Variants in SETBP1 observed in about 807,000 individuals in gnomAD.
SETBP1 encodes SET binding protein 1.
In SETBP1, 9 loss-of-function variants were observed where a neutral mutation model predicts 101.0. The ratio of observed to expected loss-of-function variants is 0.09; its 90% CI spans 0.05 to 0.16. The LOEUF is 0.16. Among genes scored for constraint, SETBP1 ranks in the 10% least tolerant of loss-of-function variants. The pLI is 1.00. For synonymous variants in SETBP1, 818 were observed against 788.5 expected (o/e 1.04, Z -0.63); for missense variants, 1,858 against 2,033.8 (o/e 0.91, Z 1.66).
chr18:44,888,856 T>A (rs2069707227), intron 3 of SETBP1, among the ~76,000 whole-genome samples: 1 of 152,108 alleles, frequency 6.6e-6, no homozygotes, highest in Non-Finnish European at 1.5e-5. Context: ...TTTAATACCT[T>A]CTTGAGGCCT....
intron 4 of SETBP1, among the ~76,000 whole-genome samples, chr18:45,035,657 A>T (rs1281932262): frequency 6.6e-6 from 1 of 152,246 alleles, no homozygotes; most frequent in Non-Finnish European, 1.5e-5. Context: ...CCCCAAGCAT[A>T]GCATAATTTA....
Position 45,067,056 on chromosome 18 carries a change from G to A in SETBP1, c.*3358G>A, listed in dbSNP as rs1260444675. The A allele has an allele frequency of 6.6e-6, 1 of 152,200 alleles. No homozygotes were observed. Among genetic ancestry groups the A allele is most frequent in the Non-Finnish European group, 1.5e-5 (1 of 68,052 alleles). The allele number at this position is 152,200 out of a possible 1,614,324, so 9.4% of individuals were successfully genotyped here. A position where few individuals can be genotyped will look rare whatever the true frequency, so the allele number is the denominator to read the frequency against. ...AGGAAGGGAAAGCATGTCAGGGGCT[G>A]GTTTGTGACTTGGCAGGACCAGGAA... On this transcript the variant is annotated 3_prime_UTR_variant, in exon 6 of 6. Coordinates refer to ENST00000649279, the MANE Select transcript of SETBP1 (RefSeq NM_015559.3).
chr18:44,779,014 G>T (rs565857449), intron 2 of SETBP1, among the ~76,000 whole-genome samples: 73 of 152,368 alleles, frequency 4.8e-4, no homozygotes, highest in Non-Finnish European at 9.1e-4. Context: ...CTGAGCAATG[G>T]TTGGAGCAGC....
upstream of SETBP1, among the ~76,000 whole-genome samples, chr18:44,680,592 C>G (rs1017090959): frequency 2.6e-5 from 4 of 152,050 alleles, no homozygotes; most frequent in Non-Finnish European, 4.4e-5. Flanking sequence ...CCGGTCCGGG[C>G]GAGGTTGCAG....
rs143716526 is a variant in SETBP1 at position 44,951,700 on chromosome 18, A to G, written c.2360A>G (p.Asn787Ser). 6.8e-6 allele frequency: 11 copies of G among 1,614,046 alleles called. 1 individual carries two copies. The highest frequency in any genetic ancestry group is 2.7e-5 in the African/African-American group (2 of 74,916). The change falls in exon 4 of 6, where the codon AAT becomes AGT. Residue 787 changes from asparagine to serine, a missense_variant. Transcript: ENST00000649279. The surrounding 1 kb of genome is among the most constrained non-coding windows in gnomAD (Gnocchi z 7.8). ...CTTTCAACACAGTTAGGTGGGTCCAATGGCAACCTGAGCCCTGCCAGCACT... is the reference window on the plus strand; with the variant it reads ...CTTTCAACACAGTTAGGTGGGTCCAGTGGCAACCTGAGCCCTGCCAGCACT... Reference protein sequence around the residue: ...HPLSTQLGGSNGNLSPASTET... With the variant: ...HPLSTQLGGSSGNLSPASTET...
intron 2 of SETBP1, among the ~76,000 whole-genome samples, chr18:44,852,605 G>C (rs2072895233): frequency 6.6e-6 from 1 of 152,094 alleles, no homozygotes; most frequent in Admixed American, 6.5e-5. Flanking sequence ...CACATTCATG[G>C]CCTCCATCCC....
intron 3 of SETBP1, among the ~76,000 whole-genome samples, chr18:44,900,346 C>G (rs1277164651): frequency 6.6e-6 from 1 of 152,154 alleles, no homozygotes; most frequent in African/African-American, 2.4e-5. Flanking sequence ...GAATGTCAAA[C>G]TAAATTGGAG....
intron 1 of SETBP1, among the ~76,000 whole-genome samples, chr18:44,696,327 G>A (rs2069017541): frequency 6.6e-6 from 1 of 152,074 alleles, no homozygotes. Flanking sequence ...TATAGACCAG[G>A]CACAGTCTAA....
At chr18:45,010,520 A>G (rs148985482) in intron 4 of SETBP1, among the ~76,000 whole-genome samples, 17 of 152,344 alleles carry the variant, frequency 1.1e-4, no homozygotes, top group African/African-American at 3.6e-4. Context: ...ATGTGTTTAC[A>G]TTCCTTAAAT....
intron 4 of SETBP1, among the ~76,000 whole-genome samples, chr18:44,983,701 T>G (rs1428478806): frequency 9.2e-5 from 14 of 152,218 alleles, no homozygotes; most frequent in Admixed American, 9.2e-4. Context: ...GCAACAGCCA[T>G]GAGCCCATCA....
chr18:44,821,848 G>T (rs1471938924), intron 2 of SETBP1, among the ~76,000 whole-genome samples: 1 of 152,176 alleles, frequency 6.6e-6, no homozygotes, highest in Non-Finnish European at 1.5e-5. Context: ...GGGTCTCCTT[G>T]GTGTACCTGG....
intron 2 of SETBP1, among the ~76,000 whole-genome samples, chr18:44,863,550 T>C (rs2069062150): frequency 6.6e-6 from 1 of 152,164 alleles, no homozygotes; most frequent in Admixed American, 6.5e-5. Flanking sequence ...ACTTCCATTC[T>C]AGAGCCAAAG....
intron 3 of SETBP1, among the ~76,000 whole-genome samples, chr18:44,913,490 G>C (rs1386066312): frequency 6.6e-6 from 1 of 152,244 alleles, no homozygotes; most frequent in Non-Finnish European, 1.5e-5. Context: ...TGCAGGGCCA[G>C]CTTCACAGAA....
At chr18:44,982,536 C>G (rs1245946057) in intron 4 of SETBP1, among the ~76,000 whole-genome samples, 1 of 152,162 alleles carries the variant, frequency 6.6e-6, no homozygotes, top group Non-Finnish European at 1.5e-5. Context: ...TTCAATCAAG[C>G]AAGAGCATAG....
intron 3 of SETBP1, chr18:44,871,608 A>T (rs1271708881): frequency 1.3e-5 from 2 of 152,204 alleles, no homozygotes; most frequent in Non-Finnish European, 2.9e-5. Flanking sequence ...GATGATTTTG[A>T]AAGTGTGTAG....
At position 44,701,322 on chromosome 18, in the gene SETBP1, A is replaced by G. The variant is rs2069111307; in HGVS notation, c.-25A>G. ...CCTTTTCCCCTTCCCCCTCCTGAGAACTCCGGAAGACTGTAGAGATTGTCA... is the reference window on the plus strand; with the variant it reads ...CCTTTTCCCCTTCCCCCTCCTGAGAGCTCCGGAAGACTGTAGAGATTGTCA... On this transcript the variant is annotated 5_prime_UTR_variant, in exon 2 of 6. Coordinates refer to ENST00000649279, the MANE Select transcript of SETBP1 (RefSeq NM_015559.3). 2 of 1,455,698 alleles carry G rather than the reference A, an allele frequency of 1.4e-6. No homozygotes were observed. Among genetic ancestry groups the G allele is most frequent in the African/African-American group, 1.4e-5 (1 of 69,764 alleles). 90.2% of individuals were successfully genotyped at this position (1,455,698 alleles called of 1,614,324 possible).
At chr18:45,055,971 AG>A (rs1437068156) in intron 5 of SETBP1, among the ~76,000 whole-genome samples, 2 of 152,230 alleles carry the variant, frequency 1.3e-5, no homozygotes, top group Non-Finnish European at 2.9e-5. Context: ...TCTTTCCAAA[AG>A]CAGTTACTTT....
In SETBP1 at chr18:44,951,931, C is replaced by T. The variant is rs2071363185; in HGVS notation, c.2591C>T (p.Thr864Met). ...GTGAGCGAGTCCCACAGTGAGGAGA[C>T]GATCCCCAGCGACAGCGGCATTGGG... ...SPVSESHSEE[T>M]IPSDSGIGTD... Residue 864 changes from threonine (T) to methionine (M), a missense_variant, in exon 4 of 6, where the codon ACG becomes ATG. Around this residue, in one of 12 missense-constraint regions of SETBP1, gnomAD observed 12 missense variants for 45.3 expected, o/e 0.27. Coordinates refer to ENST00000649279, the MANE Select transcript of SETBP1 (RefSeq NM_015559.3). The surrounding 1 kb of genome is among the most constrained non-coding windows in gnomAD (Gnocchi z 7.8). 3 of 1,613,968 alleles carry T rather than the reference C, an allele frequency of 1.9e-6. No individual in the cohort carries two copies. The highest frequency in any genetic ancestry group is 1.1e-5 in the South Asian group (1 of 91,056).
At chr18:44,926,657 C>A (rs1252218667) in intron 3 of SETBP1, among the ~76,000 whole-genome samples, 3 of 152,146 alleles carry the variant, frequency 2.0e-5, no homozygotes, top group African/African-American at 4.8e-5. Context: ...ATTAGAAGGG[C>A]AGGTGTCTGA....
Sources: allele counts gnomAD v4.1 joint callset (sites outside exome capture counted in the v4.1 genomes callset), GRCh38; gene constraint gnomAD v4.1.1; regional missense constraint gnomAD v4.1.1; non-coding constraint Gnocchi (gnomAD v3.1); transcripts MANE v1.5; gene names NCBI Gene and HGNC (gene_info 2026-07-23, HGNC 2026-07-21).